ACSL5: variants seen among roughly 807,000 people sequenced by gnomAD.
ACSL5 encodes acyl-CoA synthetase long chain family member 5, also known as long-chain-fatty-acid--CoA ligase 5.
A neutral mutation model predicts 84.9 loss-of-function variants in ACSL5; 50 were observed. The observed-to-expected ratio is 0.59, with a 90% CI of 0.47 to 0.75. The LOEUF is 0.75. ACSL5 is among the 30% of genes least tolerant of loss of function. The pLI, the probability that ACSL5 is intolerant of heterozygous loss-of-function variation, is 0.00. For synonymous variants in ACSL5, 280 were observed against 300.7 expected, an observed-to-expected ratio of 0.93 and a Z score of 0.71; for missense variants, 775 against 830.4, an observed-to-expected ratio of 0.93 and a Z score of 0.82.
At chr10:112,411,090 A>T (rs779036765) in intron 9 of ACSL5, among the ~76,000 whole-genome samples, 5 of 152,132 alleles carry the variant, frequency 3.3e-5, no homozygotes, top group Non-Finnish European at 4.4e-5. Flanking sequence ...CCAGTTTATA[A>T]GGTTTATAAC....
In ACSL5 at chr10:112,428,115, G is replaced by A; in HGVS notation, c.*757G>A. The A allele has an allele frequency of 3.7e-6, 1 of 268,670 alleles. No homozygotes were observed. 16.6% of individuals were successfully genotyped at this position (268,670 alleles called of 1,614,324 possible). A position where few individuals can be genotyped will look rare whatever the true frequency, so the allele number is the denominator to read the frequency against. Reference sequence around the variant, plus strand: ...GTTCCCTACAGTTTGCTGCTGAGCTGGAAGCTGTGGGGGAAGGAGTTGACA... The same window carrying A: ...GTTCCCTACAGTTTGCTGCTGAGCTAGAAGCTGTGGGGGAAGGAGTTGACA... On this transcript the variant is annotated 3_prime_UTR_variant, in exon 21 of 21. Transcript: ENST00000354655.
chr10:112,391,513 A>G (rs1843639370), intron 1 of ACSL5, among the ~76,000 whole-genome samples: 1 of 152,232 alleles, frequency 6.6e-6, no homozygotes, highest in African/African-American at 2.4e-5. Context: ...TCTTCCTCAA[A>G]TAAAATCCCT....
Position 112,417,900 on chromosome 10 carries a change from A to T in ACSL5, c.1273A>T (p.Thr425Ser), listed in dbSNP as rs899824875. 1 of 1,613,626 alleles carries T rather than the reference A, an allele frequency of 6.2e-7. No individual in the cohort carries two copies. Among genetic ancestry groups the T allele is most frequent in the Non-Finnish European group, 8.5e-7 (1 of 1,179,796 alleles). Residue 425 changes from threonine (T) to serine (S), a missense_variant, in exon 14 of 21, where the codon ACT (threonine) becomes TCT (serine). Thr to Ser is a moderately conservative substitution (Grantham distance 58). Transcript: ENST00000354655. ...TGTCACTGGAGCTGCCCCCATGTCC[A>T]CTTCAGTCATGACATTCTTCCGGGC... is the stretch of plus-strand genomic sequence containing the variant. ...VIVTGAAPMS[T>S]SVMTFFRAAM...
rs1324185217 is a variant in ACSL5 at position 112,425,346 on chromosome 10, T to C, written c.1602T>C (p.Thr534=). The C allele has an allele frequency of 6.2e-7, 1 of 1,612,238 alleles. No individual in the cohort carries two copies. The highest frequency in any genetic ancestry group is 8.5e-7 in the Non-Finnish European group (1 of 1,179,184). The change falls in exon 18 of 21, where the codon ACT becomes ACC. Residue 534 remains threonine (T), a synonymous_variant. Coordinates refer to ENST00000354655, the MANE Select transcript of ACSL5 (RefSeq NM_203379.2). ...TTATCTGTCTCATGTAGAATGGAAC[T>C]CTGAAGATCATCGACCGTAAAAAGA... The part of the protein sequence containing the change: ...GDIGRWLPNG[T]LKIIDRKKNI...
At chr10:112,394,831 T>A in intron 1 of ACSL5, 87 bp from the exon 2 acceptor site, 2 of 1,550,948 alleles carry the variant, frequency 1.3e-6, no homozygotes, top group Non-Finnish European at 1.7e-6. Flanking sequence ...TATGTGTGTG[T>A]GTGTGTCCTT....
At chr10:112,386,181 CTTTTTTTTTTTTTTTTTTTTT>C (rs11286757) in intron 1 of ACSL5, among the ~76,000 whole-genome samples, 1 of 71,794 alleles carries the variant, frequency 1.4e-5, no homozygotes, top group South Asian at 5.5e-4. Context: ...TCCTATAGCT[CTTTTTTTTTTTTTTTTTTTTT>C]TTTTTTTTTG....
chr10:112,381,184 T>A (rs1461825416), intron 1 of ACSL5, among the ~76,000 whole-genome samples: 1 of 152,192 alleles, frequency 6.6e-6, no homozygotes, highest in East Asian at 1.9e-4. Context: ...TGCTCCAGTC[T>A]GCACTGACCT....
chr10:112,426,422 T>C, intron 19 of ACSL5, 63 bp downstream of exon 19: 2 of 1,389,426 alleles, frequency 1.4e-6, no homozygotes, highest in Non-Finnish European at 2.0e-6. Context: ...AGAGGATGCC[T>C]CACCAGTTCC....
At chr10:112,392,291 G>T (rs1185591144) in intron 1 of ACSL5, among the ~76,000 whole-genome samples, 4 of 150,946 alleles carry the variant, frequency 2.6e-5, no homozygotes, top group Admixed American at 2.0e-4. Flanking sequence ...GGGCAGCATG[G>T]TGAGGCTGTG....
At chr10:112,374,797 C>G (rs571962601) in intron 1 of ACSL5, among the ~76,000 whole-genome samples, 2 of 152,180 alleles carry the variant, frequency 1.3e-5, no homozygotes, top group Non-Finnish European at 2.9e-5. Context: ...TAGTGCGTCT[C>G]CAGGCTGTTA....
intron 1 of ACSL5, among the ~76,000 whole-genome samples, chr10:112,382,026 C>G (rs1188553867): frequency 1.3e-5 from 2 of 152,186 alleles, no homozygotes; most frequent in South Asian, 2.1e-4. Flanking sequence ...GAGCACTGGT[C>G]TCAAAAGCAT....
intron 12 of ACSL5, among the ~76,000 whole-genome samples, chr10:112,413,986 G>T (rs1029250530): frequency 1.3e-5 from 2 of 152,102 alleles, no homozygotes; most frequent in Non-Finnish European, 2.9e-5. Flanking sequence ...TCTAACTTAT[G>T]ATGAGGAAAA....
chr10:112,396,517 T>C (rs182458624), intron 2 of ACSL5: 93 of 152,338 alleles, frequency 6.1e-4, no homozygotes, highest in African/African-American at 2.2e-3. Flanking sequence ...CTGCAGATTA[T>C]AGTCTACCAA....
At chr10:112,417,153 C>A in intron 13 of ACSL5, 131 bp downstream of exon 13, 1 of 873,150 alleles carries the variant, frequency 1.1e-6, no homozygotes, top group Admixed American at 3.0e-5. Context: ...GTGTCCACTG[C>A]CTTTTGAGAT....
At position 112,427,269 on chromosome 10, in the gene ACSL5, T is replaced by C; in HGVS notation, c.1963T>C (p.Leu655=). 2 of 1,614,004 alleles carry C rather than the reference T, an allele frequency of 1.2e-6. No individual in the cohort carries two copies. The highest frequency in any genetic ancestry group is 8.5e-7 in the Non-Finnish European group (1 of 1,179,946). Residue 655 remains leucine, a synonymous_variant, in exon 21 of 21, where the codon TTG becomes CTG. Coordinates refer to ENST00000354655, the MANE Select transcript of ACSL5 (RefSeq NM_203379.2). ...PEPFSIENGL[L]TPTLKAKRGE... is the part of the protein sequence containing the mutation. ...GCCATTTTCCATTGAAAATGGGCTC[T>C]TGACACCAACATTGAAAGCAAAGCG...
At chr10:112,386,181 CTTTTTTTTTTTTTTTTTTT>C (rs11286757) in intron 1 of ACSL5, among the ~76,000 whole-genome samples, 2 of 71,794 alleles carry the variant, frequency 2.8e-5, no homozygotes, top group African/African-American at 5.6e-5. Context: ...TCCTATAGCT[CTTTTTTTTTTTTTTTTTTT>C]TTTTTTTTTT....
intron 10 of ACSL5, 126 bp downstream of exon 10, chr10:112,411,655 G>T: frequency 2.1e-6 from 2 of 948,746 alleles, no homozygotes; most frequent in Non-Finnish European, 3.2e-6. Flanking sequence ...CACGTTAAAG[G>T]CTGGAGTGTG....
chr10:112,402,759 C>G (rs1843938256), intron 3 of ACSL5, among the ~76,000 whole-genome samples: 1 of 152,042 alleles, frequency 6.6e-6, no homozygotes, highest in Admixed American at 6.6e-5. Context: ...TGAATAATTC[C>G]TTTTGGCAAG....
chr10:112,399,097 A>G, intron 3 of ACSL5, 88 bp downstream of exon 3: 1 of 1,096,546 alleles, frequency 9.1e-7, no homozygotes, highest in Non-Finnish European at 1.4e-6. Flanking sequence ...CTAAAACCCC[A>G]GCTATTTAGA....
Sources: gnomAD v4.1 joint callset for allele counts (sites outside exome capture counted in the v4.1 genomes callset) on GRCh38, gnomAD v4.1.1 for gene constraint, MANE v1.5 for transcripts, NCBI Gene and HGNC (gene_info 2026-07-23, HGNC 2026-07-21) for gene names.